MAGI2: variants seen among roughly 807,000 people sequenced by gnomAD.
The protein encoded by MAGI2 is membrane associated guanylate kinase, WW and PDZ domain containing 2.
MAGI2 carries 35 observed loss-of-function variants against 133.3 expected under a neutral mutation model. That is an observed-to-expected ratio of 0.26 (90% CI 0.20 to 0.35). The LOEUF is 0.35. MAGI2 is among the 10% of genes least tolerant of loss of function. The pLI is 1.00. For missense variants in MAGI2, 1,636 were observed against 1,863.4 expected (o/e 0.88, Z 2.25); for synonymous variants, 729 against 710.6 (o/e 1.03, Z -0.41).
chr7:79,258,716 A>G (rs1255791227), intron 1 of MAGI2, among the ~76,000 whole-genome samples: 1 of 152,192 alleles, frequency 6.6e-6, no homozygotes, highest in African/African-American at 2.4e-5. Context: ...TATGGCCTTG[A>G]ACTCCTCGGC....
chr7:78,468,942 A>G (rs7457512), intron 6 of MAGI2, among the ~76,000 whole-genome samples: 1 of 152,174 alleles, frequency 6.6e-6, no homozygotes, highest in Non-Finnish European at 1.5e-5. Context: ...TTCAGGTACC[A>G]TGTTCAGATT....
chr7:78,110,022 G>A (rs1459071398), intron 20 of MAGI2, among the ~76,000 whole-genome samples: 1 of 152,130 alleles, frequency 6.6e-6, no homozygotes, highest in Non-Finnish European at 1.5e-5. Flanking sequence ...TAGTTAAGTA[G>A]TTAATTGTGA....
chr7:78,862,236 A>T (rs763209868), intron 2 of MAGI2, among the ~76,000 whole-genome samples: 1 of 152,206 alleles, frequency 6.6e-6, no homozygotes, highest in Non-Finnish European at 1.5e-5. Context: ...TTAGAATATA[A>T]CTTCTTCGTA....
intron 1 of MAGI2, among the ~76,000 whole-genome samples, chr7:79,367,400 A>T (rs1032526896): frequency 1.3e-5 from 2 of 152,182 alleles, no homozygotes; most frequent in African/African-American, 2.4e-5. Flanking sequence ...AGTTTTAAAC[A>T]AAATGGAGTG....
At chr7:78,282,540 A>G (rs768941523) in intron 9 of MAGI2, among the ~76,000 whole-genome samples, 1 of 152,010 alleles carries the variant, frequency 6.6e-6, no homozygotes, top group African/African-American at 2.4e-5. Context: ...CTATCTATCT[A>G]TCTTGTCTTT....
intron 1 of MAGI2, among the ~76,000 whole-genome samples, chr7:79,445,466 C>G (rs190918108): frequency 6.6e-6 from 1 of 151,950 alleles, no homozygotes; most frequent in Non-Finnish European, 1.5e-5. Context: ...AACAAATTTA[C>G]AAGAAAAAAA....
intron 21 of MAGI2, among the ~76,000 whole-genome samples, chr7:78,058,693 GT>G (rs1181560806): frequency 6.6e-6 from 1 of 151,852 alleles, no homozygotes; most frequent in Admixed American, 6.6e-5. Flanking sequence ...CTGGCCACGT[GT>G]TTTTTTATAC....
chr7:79,295,381 T>C (rs1836852344), intron 1 of MAGI2, among the ~76,000 whole-genome samples: 1 of 152,118 alleles, frequency 6.6e-6, no homozygotes, highest in Non-Finnish European at 1.5e-5. Context: ...GACTTCAGTA[T>C]AAAATAATCA....
chr7:79,291,425 A>G (rs1836476843), intron 1 of MAGI2, among the ~76,000 whole-genome samples: 1 of 152,164 alleles, frequency 6.6e-6, no homozygotes, highest in Non-Finnish European at 1.5e-5. Flanking sequence ...CTTTTGTTAT[A>G]TACCTAAGAG....
intron 2 of MAGI2, among the ~76,000 whole-genome samples, chr7:78,706,746 GC>G (rs1478472138): frequency 6.6e-6 from 1 of 152,108 alleles, no homozygotes; most frequent in Non-Finnish European, 1.5e-5. Context: ...AGATAGCTTG[GC>G]AAAGGTAGTG....
intron 6 of MAGI2, among the ~76,000 whole-genome samples, chr7:78,463,914 AG>A (rs1790342762): frequency 6.6e-6 from 1 of 152,070 alleles, no homozygotes; most frequent in African/African-American, 2.4e-5. Flanking sequence ...GGAGGAAGGT[AG>A]GTAGGAGGGC....
chr7:79,077,802 C>T (rs975472380), intron 1 of MAGI2, among the ~76,000 whole-genome samples: 2 of 151,960 alleles, frequency 1.3e-5, no homozygotes, highest in African/African-American at 4.8e-5. Context: ...CATATATTTA[C>T]ATGGATGTAC....
At chr7:78,894,428 T>A (rs1797041163) in intron 2 of MAGI2, among the ~76,000 whole-genome samples, 1 of 152,124 alleles carries the variant, frequency 6.6e-6, no homozygotes, top group African/African-American at 2.4e-5. Flanking sequence ...CTTTTATTCT[T>A]AAAACATAAG....
At chr7:79,225,615 T>A (rs1830785013) in intron 1 of MAGI2, among the ~76,000 whole-genome samples, 1 of 152,214 alleles carries the variant, frequency 6.6e-6, no homozygotes, top group Admixed American at 6.5e-5. Flanking sequence ...GTAAAATATA[T>A]CACAGCAGTT....
intron 1 of MAGI2, among the ~76,000 whole-genome samples, chr7:79,028,306 TATATATAC>T (rs1562805599): frequency 4.9e-5 from 4 of 81,936 alleles, no homozygotes; most frequent in African/African-American, 2.0e-4. Context: ...TGTATATATA[TATATATAC>T]ACACATATAT....
rs988871813 is a variant in MAGI2, at chr7:79,060,620, A to G, written c.302-53414T>C. ...GAAGCGTAAGTCAGGAGTAAACAATATGTGTTGGAGAGTGACATAGCTAAT... is the reference window on the plus strand; with the variant it reads ...GAAGCGTAAGTCAGGAGTAAACAATGTGTGTTGGAGAGTGACATAGCTAAT... On this transcript the variant is annotated intron_variant, in intron 1 of 21. Transcript: ENST00000354212. Among the ~76,000 whole-genome samples, 6 of 152,204 alleles carry G rather than the reference A, an allele frequency of 3.9e-5. No individual in the cohort carries two copies. The East Asian group carries it at 1.2e-3, about 29-fold the overall frequency.
intron 1 of MAGI2, among the ~76,000 whole-genome samples, chr7:79,131,444 T>G (rs1169139681): frequency 6.6e-6 from 1 of 152,198 alleles, no homozygotes; most frequent in Non-Finnish European, 1.5e-5. Context: ...AATACTAATA[T>G]GTATCTGAAG....
chr7:78,167,866 G>A, intron 15 of MAGI2, 50 bp downstream of exon 15: 1 of 1,547,802 alleles, frequency 6.5e-7, no homozygotes, highest in Admixed American at 1.7e-5. Context: ...TCTCACAAAA[G>A]CATCTTACCA....
rs554986310 is a variant in MAGI2 at position 79,350,347 on chromosome 7, A to G, written c.301+102673T>C. ...TTTAGAATCTCAGTTTTTGGTCTGC[A>G]ACTTCATGCCCTCTGCCTTTTTAAA... On this transcript the variant is annotated intron_variant, in intron 1 of 21. Transcript: ENST00000354212. Among the ~76,000 whole-genome samples, 3 of 152,244 alleles carry G rather than the reference A, an allele frequency of 2.0e-5. No individual in the cohort carries two copies. The East Asian group carries it at 5.8e-4, about 29-fold the overall frequency.
Sources: allele counts gnomAD v4.1 joint callset (sites outside exome capture counted in the v4.1 genomes callset), GRCh38; gene constraint gnomAD v4.1.1; transcripts MANE v1.5; gene names NCBI Gene and HGNC (gene_info 2026-07-23, HGNC 2026-07-21).